ME1: variants seen among roughly 807,000 people sequenced by gnomAD.
ME1 encodes the protein NADP-dependent malic enzyme.
ME1 carries 74 observed loss-of-function variants against 66.4 expected under a neutral mutation model. The observed-to-expected ratio is 1.11, with a 90% CI of 0.92 to 1.35. The LOEUF (loss-of-function observed/expected upper bound fraction) is 1.35. ME1 is among the 40% of genes most tolerant of loss of function. The probability of loss-of-function intolerance (pLI) is 0.00; values close to 1 mark genes in which losing one functional copy is unlikely to be tolerated. For synonymous variants in ME1, 251 were observed against 235.6 expected (o/e 1.07, Z -0.60); for missense variants, 750 against 694.1 (o/e 1.08, Z -0.90).
intron 3 of ME1, among the ~76,000 whole-genome samples, chr6:83,366,028 A>G (rs1769095951): frequency 6.6e-6 from 1 of 152,180 alleles, no homozygotes; most frequent in Non-Finnish European, 1.5e-5. Context: ...GTGACCGCCT[A>G]GGGAATCCTT....
At chr6:83,283,193 A>C (rs1266019905) in intron 6 of ME1, among the ~76,000 whole-genome samples, 1 of 128,616 alleles carries the variant, frequency 7.8e-6, no homozygotes, top group Non-Finnish European at 1.6e-5. Context: ...GCGCCACTGC[A>C]CTCCAGCCTG....
chr6:83,277,901 A>AAATAATAATAATAATAGTAATAAT (rs1767216023), intron 6 of ME1, among the ~76,000 whole-genome samples: 1 of 144,098 alleles, frequency 6.9e-6, no homozygotes, highest in African/African-American at 2.6e-5. Context: ...CTGTATCTCA[A>AAATAATAATAATAATAGTAATAAT]AATAATAATA....
At chr6:83,408,033 T>A (rs996791420) in intron 1 of ME1, 132 bp from the exon 2 acceptor site, 55 of 975,214 alleles carry the variant, frequency 5.6e-5, no homozygotes, top group Non-Finnish European at 1.0e-5. Flanking sequence ...CATGGCCATG[T>A]GGCTGTGAGT....
intron 6 of ME1, among the ~76,000 whole-genome samples, chr6:83,278,952 C>T (rs926515944): frequency 8.5e-5 from 13 of 152,116 alleles, no homozygotes; most frequent in Non-Finnish European, 1.8e-4. Context: ...AACTCAGGCT[C>T]ACTAAAAAAC....
chr6:83,397,950 A>AACGGTAGTTACCAGAGGAT (rs1468462034), intron 3 of ME1, among the ~76,000 whole-genome samples: 2 of 152,326 alleles, frequency 1.3e-5, no homozygotes, highest in Non-Finnish European at 2.9e-5. Context: ...CAAAGAGAAG[A>AACGGTAGTTACCAGAGGAT]ACGGTAGTTA....
intron 11 of ME1, among the ~76,000 whole-genome samples, chr6:83,226,369 T>C (rs948203998): frequency 2.0e-5 from 3 of 152,192 alleles, no homozygotes; most frequent in South Asian, 2.1e-4. Flanking sequence ...TAAACACTTG[T>C]TTATTATATG....
chr6:83,257,001 T>A (rs1766785212), intron 6 of ME1, among the ~76,000 whole-genome samples: 1 of 149,960 alleles, frequency 6.7e-6, no homozygotes, highest in South Asian at 2.1e-4. Flanking sequence ...TGAGAACACA[T>A]GGACACAGGG....
intron 1 of ME1, among the ~76,000 whole-genome samples, chr6:83,425,304 G>C (rs7758546): frequency 0.35 from 53,744 of 151,880 alleles, 9,912 homozygotes; most frequent in Middle Eastern, 0.48. Flanking sequence ...CAACTAGCCT[G>C]ATAACATAAT....
chr6:83,262,013 CAAAAAAA>C (rs374491049), intron 6 of ME1, among the ~76,000 whole-genome samples: 70 of 77,250 alleles, frequency 9.1e-4, no homozygotes, highest in East Asian at 3.7e-3. Context: ...GAATCCATCT[CAAAAAAA>C]AAAAAAAAAA....
chr6:83,291,775 T>A (rs1053945118), intron 6 of ME1, among the ~76,000 whole-genome samples: 2 of 152,154 alleles, frequency 1.3e-5, no homozygotes, highest in Non-Finnish European at 2.9e-5. Context: ...GTAGATTTGG[T>A]CTTTTCACGT....
intron 10 of ME1, 56 bp downstream of exon 10, chr6:83,228,770 A>T: frequency 8.1e-7 from 1 of 1,231,022 alleles, no homozygotes; most frequent in Non-Finnish European, 1.2e-6. Flanking sequence ...GGTAGTAAAA[A>T]AAACAATCAG....
At chr6:83,249,439 C>A (rs1469813039) in intron 7 of ME1, among the ~76,000 whole-genome samples, 4 of 152,172 alleles carry the variant, frequency 2.6e-5, no homozygotes, top group East Asian at 3.9e-4. Flanking sequence ...ATTGGCCAGG[C>A]TGGTCTCGAA....
chr6:83,418,353 T>C (rs1012640085), intron 1 of ME1, among the ~76,000 whole-genome samples: 2 of 150,714 alleles, frequency 1.3e-5, no homozygotes, highest in Non-Finnish European at 3.0e-5. Context: ...AGCCAGGAGG[T>C]TCAAGACCCA....
At chr6:83,241,581 C>T (rs1353217740) in intron 7 of ME1, among the ~76,000 whole-genome samples, 1 of 151,560 alleles carries the variant, frequency 6.6e-6, no homozygotes, top group East Asian at 1.9e-4. Context: ...AAACACTAAT[C>T]TTCCATTTAT....
intron 9 of ME1, among the ~76,000 whole-genome samples, chr6:83,235,699 C>G (rs1790387864): frequency 6.6e-6 from 1 of 152,016 alleles, no homozygotes; most frequent in Non-Finnish European, 1.5e-5. Context: ...GTCTCGATCT[C>G]CTGACCTCGT....
intron 12 of ME1, among the ~76,000 whole-genome samples, chr6:83,221,244 A>G (rs1447071372): frequency 2.0e-5 from 3 of 152,230 alleles, no homozygotes; most frequent in African/African-American, 7.2e-5. Flanking sequence ...TATCATAACC[A>G]GAAATAAAAT....
Position 83,212,108 on chromosome 6 carries a change from A to T in ME1, c.1549-14T>A. ...ATCTTTCACAATCTAGATATAAGAAAAGAATATTAATTATTTTAATAAATA... is the reference window on the plus strand; with the variant it reads ...ATCTTTCACAATCTAGATATAAGAATAGAATATTAATTATTTTAATAAATA... On this transcript the variant is annotated splice_polypyrimidine_tract_variant and intron_variant, in intron 13 of 13. Coordinates refer to ENST00000369705, the MANE Select transcript of ME1 (RefSeq NM_002395.6). 6.4e-7 allele frequency: 1 copy of T among 1,561,744 alleles called. No individual in the cohort carries two copies. The highest frequency in any genetic ancestry group is 8.7e-7 in the Non-Finnish European group (1 of 1,147,756).
At chr6:83,257,647 A>G (rs1312607410) in intron 6 of ME1, among the ~76,000 whole-genome samples, 1 of 152,230 alleles carries the variant, frequency 6.6e-6, no homozygotes, top group Non-Finnish European at 1.5e-5. Flanking sequence ...TGTATTAATA[A>G]TTACAAAAAT....
intron 6 of ME1, among the ~76,000 whole-genome samples, chr6:83,310,267 C>G (rs537407786): frequency 5.9e-4 from 90 of 152,216 alleles, no homozygotes; most frequent in African/African-American, 2.2e-3. Context: ...GAATATAAAG[C>G]CTTGACCATC....
Sources: allele counts gnomAD v4.1 joint callset (sites outside exome capture counted in the v4.1 genomes callset), GRCh38; gene constraint gnomAD v4.1.1; transcripts MANE v1.5; gene names NCBI Gene and HGNC (gene_info 2026-07-23, HGNC 2026-07-21).